Variants in CAMKK1 observed in about 807,000 individuals in gnomAD.
The protein encoded by CAMKK1 is calcium/calmodulin dependent protein kinase kinase 1.
CAMKK1 carries 20 observed loss-of-function variants against 63.5 expected under a neutral mutation model. That is an observed-to-expected ratio of 0.32 (90% CI 0.22 to 0.46). CAMKK1 has a LOEUF of 0.46. CAMKK1 is among the 20% of genes least tolerant of loss of function. The pLI is 1.00. For synonymous variants in CAMKK1, 253 were observed against 269.0 expected (o/e 0.94, Z 0.58); for missense variants, 588 against 658.1 (o/e 0.89, Z 1.17).
rs948979053 is a variant in CAMKK1 at position 3,861,819 on chromosome 17, G to A, written c.*392C>T. Reference sequence around the variant, plus strand: ...TGAGCCAGGCCTGCCCGGCCCCAGCGGGAGGTCTCTTCCGTTGTGGTAAGC... The same window carrying A: ...TGAGCCAGGCCTGCCCGGCCCCAGCAGGAGGTCTCTTCCGTTGTGGTAAGC... On this transcript the variant is annotated 3_prime_UTR_variant, in exon 16 of 16. Coordinates refer to ENST00000348335, the MANE Select transcript of CAMKK1 (RefSeq NM_032294.3). 1.7e-5 allele frequency: 4 copies of A among 241,012 alleles called. No individual in the cohort carries two copies. The highest frequency in any genetic ancestry group is 4.9e-5 in the Admixed American group (1 of 20,592). The allele number at this position is 241,012 out of a possible 1,614,324, so 14.9% of individuals were successfully genotyped here.
At position 3,885,311 on chromosome 17, in the gene CAMKK1, C is replaced by T. The variant is rs776371458; in HGVS notation, c.360+17G>A. The stretch of plus-strand genomic sequence containing the variant: ...ACTGAGGGGCTCATGAACAACCCCT[C>T]GTTCTGCCCCACCAACCTCTGCATC... On this transcript the variant is annotated intron_variant, in intron 2 of 15. Coordinates refer to ENST00000348335, the MANE Select transcript of CAMKK1 (RefSeq NM_032294.3). 16 of 1,565,440 alleles carry T rather than the reference C, an allele frequency of 1.0e-5. No homozygotes were observed. Among genetic ancestry groups the T allele is most frequent in the African/African-American group, 2.7e-5 (2 of 74,028 alleles).
chr17:3,869,356 G>A lies in CAMKK1; in HGVS notation c.1341+131C>T, dbSNP rs1047545230. The A allele has an allele frequency of 6.9e-5, 87 of 1,251,802 alleles. 2 individuals are homozygous for A. The Middle Eastern group carries it at 8.2e-4, about 12-fold the overall frequency. 77.5% of individuals were successfully genotyped at this position (1,251,802 alleles called of 1,614,324 possible). A position where few individuals can be genotyped will look rare whatever the true frequency, so the allele number is the denominator to read the frequency against. Reference sequence around the variant, plus strand: ...CTCCATGGGCCTCCAGCAGAATGGCGGCTCCAGTGGCCCAGGATCACAGCT... The same window carrying A: ...CTCCATGGGCCTCCAGCAGAATGGCAGCTCCAGTGGCCCAGGATCACAGCT... On this transcript the variant is annotated intron_variant, in intron 14 of 15. Transcript: ENST00000348335.
intron 1 of CAMKK1, among the ~76,000 whole-genome samples, chr17:3,886,429 C>T (rs1015380648): frequency 3.3e-5 from 5 of 152,078 alleles, no homozygotes; most frequent in Non-Finnish European, 5.9e-5. Flanking sequence ...GTCAGAAGTT[C>T]GAGACTAGCC....
In CAMKK1 at chr17:3,892,676, A is replaced by C. The variant is rs937560012; in HGVS notation, c.-44+263T>G. On this transcript the variant is annotated intron_variant, in intron 1 of 15. Transcript: ENST00000348335. The surrounding 1 kb of genome is among the most constrained non-coding windows in gnomAD (Gnocchi z 7.5). Reference sequence around the variant, plus strand: ...GGGGATGGATGCGGTCCGCAGACAGAAGCGGGGAAGAACGCAGACGGCGGG... The same window carrying C: ...GGGGATGGATGCGGTCCGCAGACAGCAGCGGGGAAGAACGCAGACGGCGGG... Among the ~76,000 whole-genome samples the C allele has an allele frequency of 1.3e-5, 2 of 152,110 alleles. No homozygotes were observed. Among genetic ancestry groups the C allele is most frequent in the African/African-American group, 4.8e-5 (2 of 41,434 alleles).
At chr17:3,869,952 T>G in intron 12 of CAMKK1, 64 bp from the exon 13 acceptor site, 1 of 1,341,554 alleles carries the variant, frequency 7.5e-7, no homozygotes, top group South Asian at 1.2e-5. Context: ...CCTGTCCACC[T>G]CTCTTCCCGA....
chr17:3,869,977 G>A (rs1024493169), intron 12 of CAMKK1, 89 bp from the exon 13 acceptor site: 13 of 1,070,316 alleles, frequency 1.2e-5, no homozygotes, highest in African/African-American at 4.7e-5. Flanking sequence ...TTCGTCCCTC[G>A]GATGGGAAGA....
intron 8 of CAMKK1, among the ~76,000 whole-genome samples, chr17:3,881,343 A>G (rs2055403158): frequency 6.6e-6 from 1 of 152,060 alleles, no homozygotes; most frequent in Non-Finnish European, 1.5e-5. Flanking sequence ...TACCTAAAAA[A>G]CACTCCTTTC....
Position 3,884,518 on chromosome 17 carries a change from T to A in CAMKK1, c.361-91A>T. The A allele has an allele frequency of 8.1e-7, 1 of 1,230,350 alleles. No individual in the cohort carries two copies. Among genetic ancestry groups the A allele is most frequent in the East Asian group, 2.5e-5 (1 of 40,336 alleles). The allele number at this position is 1,230,350 out of a possible 1,614,324, so 76.2% of individuals were successfully genotyped here. A position where few individuals can be genotyped will look rare whatever the true frequency, so the allele number is the denominator to read the frequency against. On this transcript the variant is annotated intron_variant, in intron 2 of 15. Coordinates refer to ENST00000348335, the MANE Select transcript of CAMKK1 (RefSeq NM_032294.3). The surrounding 1 kb of genome is among the most constrained non-coding windows in gnomAD (Gnocchi z 4.5). ...CCCGTTCAGGGTCCAATTCTGGCCA[T>A]AAGCTCCTCATTCCCGGACCCCCAG...
In CAMKK1 at chr17:3,860,398, T is replaced by C. The variant is rs946124866; in HGVS notation, c.*1813A>G. 5 of 152,646 alleles carry C rather than the reference T, an allele frequency of 3.3e-5. No individual in the cohort carries two copies. Among genetic ancestry groups the C allele is most frequent in the Non-Finnish European group, 7.3e-5 (5 of 68,038 alleles). 9.5% of individuals were successfully genotyped at this position (152,646 alleles called of 1,614,324 possible). On this transcript the variant is annotated 3_prime_UTR_variant, in exon 16 of 16. Coordinates refer to ENST00000348335, the MANE Select transcript of CAMKK1 (RefSeq NM_032294.3). ...GAAGTTAATTTTTAAAACACTCTTATAGAGTTTGCTCATCGCTTGTGCTAC... is the reference window on the plus strand; with the variant it reads ...GAAGTTAATTTTTAAAACACTCTTACAGAGTTTGCTCATCGCTTGTGCTAC...
intron 2 of CAMKK1, among the ~76,000 whole-genome samples, chr17:3,885,082 G>C (rs537520897): frequency 1.3e-5 from 2 of 152,320 alleles, no homozygotes; most frequent in East Asian, 3.9e-4. Flanking sequence ...TAGGGGACCA[G>C]GGAGAGACCT....
At position 3,892,912 on chromosome 17, in the gene CAMKK1, C is replaced by T. The variant is rs1224191730; in HGVS notation, c.-44+27G>A. On this transcript the variant is annotated intron_variant, in intron 1 of 15. Coordinates refer to ENST00000348335, the MANE Select transcript of CAMKK1 (RefSeq NM_032294.3). The surrounding 1 kb of genome is among the most constrained non-coding windows in gnomAD (Gnocchi z 7.5). ...AGGCGTTCGTCCTCCTGCTCCTCGC[C>T]CGCGTCCCCGCCCCGCCGATCCCTA... is the stretch of plus-strand genomic sequence containing the variant. The T allele has an allele frequency of 6.7e-6, 1 of 150,338 alleles. No individual in the cohort carries two copies. Among genetic ancestry groups the T allele is most frequent in the Non-Finnish European group, 1.5e-5 (1 of 66,646 alleles). The allele number at this position is 150,338 out of a possible 1,614,324, so 9.3% of individuals were successfully genotyped here. A position where few individuals can be genotyped will look rare whatever the true frequency, so the allele number is the denominator to read the frequency against.
Position 3,885,656 on chromosome 17 carries a change from T to C in CAMKK1, c.32A>G (p.Asp11Gly), listed in dbSNP as rs745804356. 17 of 1,613,562 alleles carry C rather than the reference T, an allele frequency of 1.1e-5. No homozygotes were observed. The Admixed American group carries it at 2.8e-4, about 27-fold the overall frequency. The change falls in exon 2 of 16, where the codon GAT becomes GGT. Residue 11 changes from aspartate (D) to glycine (G), a missense_variant. Transcript: ENST00000348335. ...CCGTTCTACCAGCTCTGCCCGAGGA[T>C]CCTGGCAGCAGACAGCTGGACCCCC... MEGGPAVCCQ[D>G]PRAELVERVA...
intron 9 of CAMKK1, 92 bp from the exon 10 acceptor site, chr17:3,876,514 G>T: frequency 4.5e-6 from 5 of 1,122,104 alleles, no homozygotes; most frequent in Non-Finnish European, 4.0e-6. Context: ...GACGCCGGCC[G>T]GGACATCCCA....
At chr17:3,868,621 G>GT (rs1329559506) in intron 14 of CAMKK1, among the ~76,000 whole-genome samples, 2 of 152,160 alleles carry the variant, frequency 1.3e-5, no homozygotes, top group Non-Finnish European at 2.9e-5. Flanking sequence ...TCCAGTCACG[G>GT]TGACTGCTGC....
chr17:3,869,178 C>G (rs34224228), intron 14 of CAMKK1, among the ~76,000 whole-genome samples: 3 of 151,268 alleles, frequency 2.0e-5, no homozygotes, highest in South Asian at 2.1e-4. Flanking sequence ...AGGATGGTCT[C>G]GATCTCCTGA....
rs1458577995 is a variant in CAMKK1, at chr17:3,879,974, G to A, written c.796+372C>T. On this transcript the variant is annotated intron_variant, in intron 9 of 15. Transcript: ENST00000348335. The surrounding 1 kb of genome is among the most constrained non-coding windows in gnomAD (Gnocchi z 4.5). ...TAAATCCACCCTGCCACCATGCCCC[G>A]GCCCCATGCCAGGACAGACTCTCCC... The A allele has an allele frequency of 6.7e-5, 16 of 239,938 alleles. No homozygotes were observed. Among genetic ancestry groups the A allele is most frequent in the South Asian group, 3.0e-4 (5 of 16,682 alleles). The allele number at this position is 239,938 out of a possible 1,614,324, so 14.9% of individuals were successfully genotyped here.
rs1279058895 is a variant in CAMKK1, at chr17:3,892,430, G to A, written c.-44+509C>T. On this transcript the variant is annotated intron_variant, in intron 1 of 15. Coordinates refer to ENST00000348335, the MANE Select transcript of CAMKK1 (RefSeq NM_032294.3). This position sits in a 1 kb window ranked among gnomAD's most constrained non-coding sequence, Gnocchi z 7.5. ...CGAAGCCGCAGCGCCCGCCTCTGCCGCCCCCTCTCGCCCCAGCCAAGGCAG... is the reference window on the plus strand; with the variant it reads ...CGAAGCCGCAGCGCCCGCCTCTGCCACCCCCTCTCGCCCCAGCCAAGGCAG... Among the ~76,000 whole-genome samples, 1 of 151,936 alleles carries A rather than the reference G, an allele frequency of 6.6e-6. No homozygotes were observed. Among genetic ancestry groups the A allele is most frequent in the South Asian group, 2.1e-4 (1 of 4,826 alleles).
intron 15 of CAMKK1, among the ~76,000 whole-genome samples, chr17:3,863,358 G>A (rs574864802): frequency 6.6e-6 from 1 of 152,130 alleles, no homozygotes; most frequent in African/African-American, 2.4e-5. Flanking sequence ...TAGCCGGTGT[G>A]GTGGTGGCAT....
chr17:3,871,656 T>TCCATTTCACTCC (rs2054890002), intron 12 of CAMKK1, among the ~76,000 whole-genome samples: 1 of 148,740 alleles, frequency 6.7e-6, no homozygotes. Flanking sequence ...GCACCCGGCC[T>TCCATTTCACTCC]TATTCAGTTT....
Sources: allele counts gnomAD v4.1 joint callset (sites outside exome capture counted in the v4.1 genomes callset), GRCh38; gene constraint gnomAD v4.1.1; non-coding constraint Gnocchi (gnomAD v3.1); transcripts MANE v1.5; gene names NCBI Gene and HGNC (gene_info 2026-07-23, HGNC 2026-07-21).